The following C14orf39 variants were observed in gnomAD, a reference collection of about 807,000 sequenced individuals.
C14orf39 encodes protein SIX6OS1.
Under a neutral mutation model 85.6 loss-of-function variants are expected in C14orf39, and 66 were observed. That is an observed-to-expected ratio of 0.77 (90% CI 0.63 to 0.95). The LOEUF (loss-of-function observed/expected upper bound fraction) is 0.95. C14orf39 is among the 40% of genes least tolerant of loss of function. The pLI is 0.00. For synonymous variants in C14orf39, 242 were observed against 214.0 expected (o/e 1.13, Z -1.14); for missense variants, 735 against 663.9 (o/e 1.11, Z -1.18).
At chr14:60,501,128 C>A (rs1893140186) in intron 1 of C14orf39, among the ~76,000 whole-genome samples, 1 of 151,664 alleles carries the variant, frequency 6.6e-6, no homozygotes, top group South Asian at 2.1e-4. Context: ...ATAGAGAGAC[C>A]CTGTCTCTAC....
intron 8 of C14orf39, 86 bp downstream of exon 8, chr14:60,469,447 A>G: frequency 2.0e-6 from 1 of 497,380 alleles, no homozygotes; most frequent in Non-Finnish European, 3.1e-6. Context: ...GCTCTCTTAA[A>G]AATAGCTCTT....
chr14:60,464,516 C>T (rs1891690406), intron 11 of C14orf39, among the ~76,000 whole-genome samples: 1 of 152,044 alleles, frequency 6.6e-6, no homozygotes, highest in African/African-American at 2.4e-5. Flanking sequence ...GTCTGTCAAA[C>T]TCTGCTTTAC....
At chr14:60,454,928 A>C in intron 16 of C14orf39, 73 bp downstream of exon 16, 1 of 1,206,510 alleles carries the variant, frequency 8.3e-7, no homozygotes, top group Non-Finnish European at 1.1e-6. Context: ...ACAGTTTTGT[A>C]TTAAAGAACT....
At chr14:60,473,794 T>C (rs1892227079) in intron 5 of C14orf39, among the ~76,000 whole-genome samples, 1 of 152,228 alleles carries the variant, frequency 6.6e-6, no homozygotes, top group Non-Finnish European at 1.5e-5. Flanking sequence ...CATGTTGTTT[T>C]GGTTGCTGTA....
intron 17 of C14orf39, 106 bp downstream of exon 17, chr14:60,441,968 A>G: frequency 1.4e-6 from 1 of 727,760 alleles, no homozygotes; most frequent in East Asian, 2.5e-5. Flanking sequence ...AGTAACAGTA[A>G]TTTCTAAAGA....
At chr14:60,437,667 G>A (rs1007310158) in intron 17 of C14orf39, among the ~76,000 whole-genome samples, 4 of 151,920 alleles carry the variant, frequency 2.6e-5, no homozygotes, top group Non-Finnish European at 4.4e-5. Context: ...GTCCAGTGAA[G>A]ACATAATGAA....
chr14:60,500,654 C>T (rs1893130684), intron 1 of C14orf39, among the ~76,000 whole-genome samples: 2 of 151,900 alleles, frequency 1.3e-5, no homozygotes, highest in Non-Finnish European at 2.9e-5. Flanking sequence ...CAGGAAAAGG[C>T]TATAAAACAG....
chr14:60,481,652 A>G (rs1892643781), intron 4 of C14orf39, among the ~76,000 whole-genome samples: 1 of 152,218 alleles, frequency 6.6e-6, no homozygotes, highest in Non-Finnish European at 1.5e-5. Flanking sequence ...AGCAAAACTC[A>G]GAGGCAAAAA....
At chr14:60,487,626 T>C (rs544312123), upstream of C14orf39, among the ~76,000 whole-genome samples, 9 of 152,302 alleles carry the variant, frequency 5.9e-5, no homozygotes, top group South Asian at 4.1e-4. Flanking sequence ...AGTGATTTTA[T>C]ATTCTTTGGA....
At chr14:60,479,489 TACACAA>T in intron 4 of C14orf39, among the ~76,000 whole-genome samples, 1 of 152,278 alleles carries the variant, frequency 6.6e-6, no homozygotes. Context: ...ACCTCTGCAT[TACACAA>T]TATAACTATC....
intron 11 of C14orf39, among the ~76,000 whole-genome samples, chr14:60,465,662 A>G (rs1237350128): frequency 6.6e-5 from 10 of 151,932 alleles, no homozygotes; most frequent in Admixed American, 6.6e-4. Flanking sequence ...CAATCCTGCT[A>G]TTTTCCTTCA....
rs1413897078 is a variant in C14orf39 at position 60,458,724 on chromosome 14, T to G, written c.1133A>C (p.Asp378Ala). The part of the protein sequence containing the change: ...EKGDKDAEYG[D>A]KGTVRQVRES... Reference sequence around the variant, plus strand: ...TCTTACTTGTCTTACTGTCCCTTTATCTCCATACTCAGCATCTGTTGTCAT... The same window carrying G: ...TCTTACTTGTCTTACTGTCCCTTTAGCTCCATACTCAGCATCTGTTGTCAT... The change falls in exon 14 of 18, where the codon GAT becomes GCT. Residue 378 changes from aspartate (D) to alanine (A), a missense_variant. Transcript: ENST00000321731. 1 of 1,602,194 alleles carries G rather than the reference T, an allele frequency of 6.2e-7. No homozygotes were observed.
chr14:60,465,212 A>G (rs755992909), intron 11 of C14orf39, among the ~76,000 whole-genome samples: 2 of 152,154 alleles, frequency 1.3e-5, no homozygotes, highest in Non-Finnish European at 2.9e-5. Flanking sequence ...AAAAATTTTT[A>G]TAAGTTATAC....
chr14:60,471,784 C>T (rs375610447), intron 5 of C14orf39, 45 bp from the exon 6 acceptor site: 1 of 1,198,528 alleles, frequency 8.3e-7, no homozygotes, highest in South Asian at 1.6e-5. Context: ...AACAACAGAT[C>T]TAAAAACTTT....
At chr14:60,443,715 C>T (rs1479671908) in intron 16 of C14orf39, among the ~76,000 whole-genome samples, 1 of 152,240 alleles carries the variant, frequency 6.6e-6, no homozygotes, top group African/African-American at 2.4e-5. Flanking sequence ...GACAGACTGC[C>T]TCCTCAAGTG....
chr14:60,461,243 G>T, intron 13 of C14orf39, 111 bp downstream of exon 13: 1 of 804,334 alleles, frequency 1.2e-6, no homozygotes, highest in Non-Finnish European at 2.0e-6. Context: ...AGGCGTGCAT[G>T]GTCAGTTAAC....
chr14:60,494,082 C>T, intron 2 of C14orf39: 1 of 297,396 alleles, frequency 3.4e-6, no homozygotes, highest in Non-Finnish European at 6.9e-6. Context: ...GGCAAGGCCA[C>T]CATTGAGCAT....
chr14:60,458,757 C>G lies in C14orf39; in HGVS notation c.1118-18G>C. On this transcript the variant is annotated intron_variant, in intron 13 of 17. Transcript: ENST00000321731. ...CTCAGCATCTGTTGTCATATGAGAA[C>G]AAACTATTTTTCTTTTTGTAATTTT... 1 of 1,561,502 alleles carries G rather than the reference C, an allele frequency of 6.4e-7. No homozygotes were observed. The highest frequency in any genetic ancestry group is 1.2e-5 in the South Asian group (1 of 84,560).
intron 1 of C14orf39, among the ~76,000 whole-genome samples, chr14:60,507,103 T>C (rs1026536858): frequency 1.1e-4 from 16 of 152,180 alleles, no homozygotes; most frequent in African/African-American, 2.9e-4. Context: ...CTGTAAGGTC[T>C]CCGCGGACCC....
Sources: allele counts gnomAD v4.1 joint callset (sites outside exome capture counted in the v4.1 genomes callset), GRCh38; gene constraint gnomAD v4.1.1; transcripts MANE v1.5; gene names NCBI Gene and HGNC (gene_info 2026-07-23, HGNC 2026-07-21).